Variants in OTUD7A observed in about 807,000 individuals in gnomAD.
OTUD7A encodes the protein OTU domain-containing protein 7A.
A neutral mutation model predicts 65.7 loss-of-function variants in OTUD7A; 12 were observed. The ratio of observed to expected loss-of-function variants is 0.18; its 90% CI spans 0.12 to 0.30. The LOEUF (loss-of-function observed/expected upper bound fraction) is 0.30, where lower values mean the gene tolerates loss of function less well. Ranked by LOEUF, OTUD7A falls within the 10% of genes least tolerant of loss-of-function variation. The probability of loss-of-function intolerance (pLI) is 1.00; values close to 1 mark genes in which losing one functional copy is unlikely to be tolerated. For missense variants in OTUD7A, 1,148 were observed against 1,304.8 expected (o/e 0.88, Z 1.85); for synonymous variants, 641 against 586.3 (o/e 1.09, Z -1.35).
At chr15:31,577,981 ACT>A (rs1889257324) in intron 3 of OTUD7A, among the ~76,000 whole-genome samples, 2 of 152,170 alleles carry the variant, frequency 1.3e-5, no homozygotes, top group Non-Finnish European at 2.9e-5. Flanking sequence ...ACTGGCATGA[ACT>A]CTACTGCCTC....
rs2041040245 is a variant in OTUD7A at position 31,477,453 on chromosome 15, CATATTTGTG to C, written c.*5832_*5840del. On this transcript the variant is annotated 3_prime_UTR_variant, in exon 13 of 13. Coordinates refer to ENST00000307050, the MANE Select transcript of OTUD7A (RefSeq NM_001382637.1). ...ATGCTCCCCTGCGAACAGTGAGCCT[CATATTTGTG>C]AGGTGGGGCTAGCGGCAGGGCAGGC... is the stretch of plus-strand genomic sequence containing the variant. 6.6e-6 allele frequency: 1 copy of C among 152,232 alleles called. No individual in the cohort carries two copies. Among genetic ancestry groups the C allele is most frequent in the African/African-American group, 2.4e-5 (1 of 41,448 alleles). 9.4% of individuals were successfully genotyped at this position (152,232 alleles called of 1,614,324 possible). A position where few individuals can be genotyped will look rare whatever the true frequency, so the allele number is the denominator to read the frequency against.
At chr15:31,774,894 C>G (rs1165191204) in intron 1 of OTUD7A, among the ~76,000 whole-genome samples, 2 of 150,936 alleles carry the variant, frequency 1.3e-5, no homozygotes, top group African/African-American at 4.9e-5. Flanking sequence ...TTGTCCTGGC[C>G]TTCTCGTGGG....
chr15:31,649,371 T>C (rs1230313353), intron 3 of OTUD7A, among the ~76,000 whole-genome samples: 4 of 152,242 alleles, frequency 2.6e-5, no homozygotes, highest in African/African-American at 9.6e-5. Flanking sequence ...CTCCCTCTGC[T>C]GTACTGTGAT....
intron 1 of OTUD7A, among the ~76,000 whole-genome samples, chr15:31,762,665 G>A (rs188042199): frequency 3.3e-4 from 50 of 152,336 alleles, no homozygotes; most frequent in South Asian, 1.0e-3. Context: ...ATAGCATAGC[G>A]AAAGCTCTGA....
intron 1 of OTUD7A, among the ~76,000 whole-genome samples, chr15:31,806,178 C>T (rs1305155725): frequency 1.3e-5 from 2 of 152,140 alleles, no homozygotes; most frequent in Admixed American, 6.5e-5. Context: ...TACTGTTAAG[C>T]ATTAGGGTAA....
chr15:31,670,845 AT>A (rs1892464142), intron 1 of OTUD7A, among the ~76,000 whole-genome samples: 1 of 152,008 alleles, frequency 6.6e-6, no homozygotes, highest in Non-Finnish European at 1.5e-5. Context: ...CAAAAAAAAA[AT>A]TAGCCGGGCG....
intron 3 of OTUD7A, among the ~76,000 whole-genome samples, chr15:31,601,128 A>G (rs1317686590): frequency 6.6e-6 from 1 of 151,922 alleles, no homozygotes; most frequent in Non-Finnish European, 1.5e-5. Context: ...CACATACAGA[A>G]CTCTCCACCC....
intron 3 of OTUD7A, among the ~76,000 whole-genome samples, chr15:31,589,554 C>T (rs1199831166): frequency 6.6e-6 from 1 of 150,376 alleles, no homozygotes; most frequent in African/African-American, 2.5e-5. Flanking sequence ...CTGCCTACCT[C>T]GGCCTCCCAA....
intron 1 of OTUD7A, among the ~76,000 whole-genome samples, chr15:31,834,438 T>C (rs1215847144): frequency 2.0e-5 from 3 of 152,242 alleles, no homozygotes; most frequent in Non-Finnish European, 4.4e-5. Flanking sequence ...ATCATGTTTA[T>C]TTAAAGTTTT....
intron 3 of OTUD7A, among the ~76,000 whole-genome samples, chr15:31,575,818 C>T (rs1294353174): frequency 1.3e-5 from 2 of 152,116 alleles, no homozygotes; most frequent in African/African-American, 4.8e-5. Flanking sequence ...TGCCCACAAG[C>T]GGGAGGCAGA....
At chr15:31,780,685 CA>C (rs1198951920) in intron 1 of OTUD7A, among the ~76,000 whole-genome samples, 3 of 152,176 alleles carry the variant, frequency 2.0e-5, no homozygotes, top group Non-Finnish European at 2.9e-5. Flanking sequence ...TTAATAAGAT[CA>C]AGAAGCAAGA....
In OTUD7A at chr15:31,478,625, A is replaced by T. The variant is rs1431088823; in HGVS notation, c.*4669T>A. The T allele has an allele frequency of 6.6e-6, 1 of 152,210 alleles. No individual in the cohort carries two copies. The highest frequency in any genetic ancestry group is 2.1e-4 in the South Asian group (1 of 4,830). The allele number at this position is 152,210 out of a possible 1,614,324, so 9.4% of individuals were successfully genotyped here. A position where few individuals can be genotyped will look rare whatever the true frequency, so the allele number is the denominator to read the frequency against. On this transcript the variant is annotated 3_prime_UTR_variant, in exon 13 of 13. Coordinates refer to ENST00000307050, the MANE Select transcript of OTUD7A (RefSeq NM_001382637.1). ...GTTCTTCATACTGCACAGACTGCAC[A>T]TAACTGTTGTTCCCAAGGGGTCCCT... is the stretch of plus-strand genomic sequence containing the variant.
intron 1 of OTUD7A, among the ~76,000 whole-genome samples, chr15:31,817,735 C>G (rs1896586514): frequency 6.6e-6 from 1 of 152,206 alleles, no homozygotes; most frequent in African/African-American, 2.4e-5. Context: ...ATCCAGCCAC[C>G]ACCCATGCCC....
intron 1 of OTUD7A, among the ~76,000 whole-genome samples, chr15:31,822,692 A>G (rs766088439): frequency 1.3e-5 from 2 of 152,232 alleles, no homozygotes; most frequent in Non-Finnish European, 2.9e-5. Context: ...ACTTTCTTAC[A>G]TAAGAGAGAT....
At chr15:31,852,455 TAAAAC>T (rs1278538179) in intron 1 of OTUD7A, among the ~76,000 whole-genome samples, 1 of 152,060 alleles carries the variant, frequency 6.6e-6, no homozygotes, top group Non-Finnish European at 1.5e-5. Flanking sequence ...ACTGAGAATT[TAAAAC>T]AAACAAATCT....
intron 1 of OTUD7A, among the ~76,000 whole-genome samples, chr15:31,823,803 C>G (rs1161410181): frequency 6.6e-6 from 1 of 152,170 alleles, no homozygotes; most frequent in African/African-American, 2.4e-5. Flanking sequence ...GAGCCCTCAG[C>G]AGCAGCCTAA....
chr15:31,839,953 C>CT (rs5811667), intron 1 of OTUD7A, among the ~76,000 whole-genome samples: 62,975 of 151,818 alleles, frequency 0.41, 13,453 homozygotes, highest in South Asian at 0.56. Flanking sequence ...TTTAAAAAAA[C>CT]TTTTTTTTGT....
At chr15:31,759,226 T>G (rs1239359034) in intron 1 of OTUD7A, among the ~76,000 whole-genome samples, 3 of 152,216 alleles carry the variant, frequency 2.0e-5, no homozygotes, top group African/African-American at 7.2e-5. Flanking sequence ...GAATCACTTG[T>G]GCATCTTTTA....
chr15:31,647,764 C>T (rs571326263), intron 3 of OTUD7A, among the ~76,000 whole-genome samples: 49 of 152,168 alleles, frequency 3.2e-4, no homozygotes, highest in Admixed American at 2.5e-3. Context: ...TACTGAGGGA[C>T]TCATACGTGC....
Sources: allele counts gnomAD v4.1 joint callset (sites outside exome capture counted in the v4.1 genomes callset), GRCh38; gene constraint gnomAD v4.1.1; transcripts MANE v1.5; gene names NCBI Gene and HGNC (gene_info 2026-07-23, HGNC 2026-07-21).